CNTNAP2: variants seen among roughly 807,000 people sequenced by gnomAD.
CNTNAP2 encodes the protein contactin-associated protein-like 2.
In CNTNAP2, 98 loss-of-function variants were observed where a neutral mutation model predicts 155.2. The observed-to-expected ratio is 0.63, with a 90% CI of 0.54 to 0.75. CNTNAP2 has a LOEUF of 0.75. CNTNAP2 is among the 30% of genes least tolerant of loss of function. The probability of loss-of-function intolerance (pLI) is 0.00; values close to 1 mark genes in which losing one functional copy is unlikely to be tolerated. For missense variants in CNTNAP2, 1,727 were observed against 1,688.1 expected, an observed-to-expected ratio of 1.02 and a Z score of -0.40; for synonymous variants, 651 against 631.2, an observed-to-expected ratio of 1.03 and a Z score of -0.47.
chr7:148,320,949 G>C (rs746840859), intron 21 of CNTNAP2, among the ~76,000 whole-genome samples: 2 of 152,204 alleles, frequency 1.3e-5, no homozygotes, highest in Non-Finnish European at 2.9e-5. Flanking sequence ...TCGTCAATGA[G>C]TGGAGAGACT....
intron 21 of CNTNAP2, among the ~76,000 whole-genome samples, chr7:148,288,960 A>G: frequency 7.3e-6 from 1 of 137,156 alleles, no homozygotes; most frequent in Non-Finnish European, 1.6e-5. Flanking sequence ...AAAAAAAAAA[A>G]AAAAAAAAAG....
chr7:147,946,016 C>T (rs528418420), intron 14 of CNTNAP2, among the ~76,000 whole-genome samples: 9 of 151,676 alleles, frequency 5.9e-5, no homozygotes, highest in East Asian at 3.9e-4. Flanking sequence ...TACAGATGCG[C>T]GCCACCATGC....
intron 13 of CNTNAP2, among the ~76,000 whole-genome samples, chr7:147,742,198 G>A (rs544589102): frequency 6.6e-6 from 1 of 152,300 alleles, no homozygotes; most frequent in African/African-American, 2.4e-5. Context: ...GATTTGGTTA[G>A]GGACACAGCC....
chr7:146,299,426 A>C (rs1800568580), intron 1 of CNTNAP2, among the ~76,000 whole-genome samples: 1 of 152,098 alleles, frequency 6.6e-6, no homozygotes, highest in South Asian at 2.1e-4. Flanking sequence ...TTAGAGTTGG[A>C]GTCACGGAGT....
At chr7:146,703,635 C>A (rs1002024341) in intron 1 of CNTNAP2, among the ~76,000 whole-genome samples, 2 of 151,982 alleles carry the variant, frequency 1.3e-5, no homozygotes, top group Non-Finnish European at 2.9e-5. Flanking sequence ...GGGCTTGTTC[C>A]CTATAAGAAG....
At chr7:146,647,363 A>G (rs344482) in intron 1 of CNTNAP2, among the ~76,000 whole-genome samples, 126,597 of 151,960 alleles carry the variant, frequency 0.83, 53,396 homozygotes, top group African/African-American at 0.91. Context: ...ATATTAGTCC[A>G]TGATGTACAC....
intron 18 of CNTNAP2, among the ~76,000 whole-genome samples, chr7:148,208,179 A>G (rs1296531563): frequency 2.0e-5 from 3 of 152,074 alleles, no homozygotes; most frequent in Non-Finnish European, 4.4e-5. Context: ...CCAAGAGAGA[A>G]CAGATGCAAA....
chr7:148,131,087 CTTTTTT>C, intron 16 of CNTNAP2, among the ~76,000 whole-genome samples: 1 of 97,182 alleles, frequency 1.0e-5, no homozygotes, highest in East Asian at 3.0e-4. Context: ...TTTTCTTCTT[CTTTTTT>C]TTTTTTTTTT....
chr7:148,368,226 A>T (rs1186462589), intron 21 of CNTNAP2, among the ~76,000 whole-genome samples: 1 of 152,044 alleles, frequency 6.6e-6, no homozygotes, highest in Non-Finnish European at 1.5e-5. Flanking sequence ...TCGCAGGGGG[A>T]CACATCTTCA....
At chr7:146,632,278 T>C (rs934311814) in intron 1 of CNTNAP2, among the ~76,000 whole-genome samples, 2 of 152,186 alleles carry the variant, frequency 1.3e-5, no homozygotes, top group African/African-American at 4.8e-5. Flanking sequence ...TAGGATTTGA[T>C]ATAAAAAACT....
Position 146,722,089 on chromosome 7 carries a change from C to T in CNTNAP2, c.98-52182C>T, listed in dbSNP as rs141016084. On this transcript the variant is annotated intron_variant, in intron 1 of 23. Transcript: ENST00000361727. Reference sequence around the variant, plus strand: ...ATTTTTAGTAGAGACAGGTTTTCACCATGTTGGCCAGGCTGGTTTTGAACT... The same window carrying T: ...ATTTTTAGTAGAGACAGGTTTTCACTATGTTGGCCAGGCTGGTTTTGAACT... Among the ~76,000 whole-genome samples the T allele has an allele frequency of 6.0e-3, 901 of 151,044 alleles. 10 individuals carry two copies. Among genetic ancestry groups the T allele is most frequent in the African/African-American group, 0.021 (850 of 40,724 alleles).
At chr7:148,038,713 G>T (rs1802614670) in intron 15 of CNTNAP2, among the ~76,000 whole-genome samples, 2 of 152,028 alleles carry the variant, frequency 1.3e-5, no homozygotes, top group South Asian at 4.1e-4. Flanking sequence ...GATTTCATTT[G>T]ATGCCCATAG....
chr7:148,214,657 G>C lies in CNTNAP2; in HGVS notation c.3011-2631G>C, dbSNP rs527962531. On this transcript the variant is annotated intron_variant, in intron 18 of 23. Transcript: ENST00000361727. ...CGGATCTCGGCTCAGTACAACCTCC[G>C]CCTCCCAGGTTCAAGTGATTCTCCT... is the stretch of plus-strand genomic sequence containing the variant. Among the ~76,000 whole-genome samples the C allele has an allele frequency of 8.6e-5, 13 of 151,972 alleles. No individual in the cohort carries two copies. The South Asian group carries it at 2.7e-3, about 32-fold the overall frequency.
intron 13 of CNTNAP2, among the ~76,000 whole-genome samples, chr7:147,661,861 T>G (rs1374506420): frequency 2.0e-5 from 3 of 152,124 alleles, no homozygotes; most frequent in Admixed American, 6.5e-5. Context: ...CATTGCTTCT[T>G]GATATAAGTA....
chr7:147,455,998 T>A (rs6972045), intron 10 of CNTNAP2, among the ~76,000 whole-genome samples: 116,260 of 152,024 alleles, frequency 0.76, 44,641 homozygotes, highest in African/African-American at 0.84. Context: ...AACAAAAACA[T>A]TCTGTAACAT....
At chr7:146,793,670 G>A (rs970433193) in intron 2 of CNTNAP2, among the ~76,000 whole-genome samples, 2 of 152,246 alleles carry the variant, frequency 1.3e-5, no homozygotes, top group Admixed American at 6.5e-5. Flanking sequence ...CCCAGGGTTT[G>A]GGGGTTCCCC....
At chr7:147,472,149 A>G (rs1414237351) in intron 10 of CNTNAP2, among the ~76,000 whole-genome samples, 1 of 151,564 alleles carries the variant, frequency 6.6e-6, no homozygotes, top group Non-Finnish European at 1.5e-5. Context: ...AAAACATACA[A>G]GAGCTCATTT....
At chr7:148,273,243 T>C (rs145984491) in intron 21 of CNTNAP2, among the ~76,000 whole-genome samples, 2 of 152,156 alleles carry the variant, frequency 1.3e-5, no homozygotes, top group South Asian at 4.1e-4. Context: ...AGATTTGTGG[T>C]GGGAGTAATT....
chr7:147,190,561 A>G (rs1225403503), intron 8 of CNTNAP2, among the ~76,000 whole-genome samples: 3 of 152,208 alleles, frequency 2.0e-5, no homozygotes, highest in East Asian at 3.9e-4. Context: ...TAATTTCCAT[A>G]GCAGTGAACA....
Sources: allele counts gnomAD v4.1 joint callset (sites outside exome capture counted in the v4.1 genomes callset), GRCh38; gene constraint gnomAD v4.1.1; transcripts MANE v1.5; gene names NCBI Gene and HGNC (gene_info 2026-07-23, HGNC 2026-07-21).